CSNK1G1: variants seen among roughly 807,000 people sequenced by gnomAD.
The protein encoded by CSNK1G1 is casein kinase I isoform gamma-1.
CSNK1G1 carries 22 observed loss-of-function variants against 59.6 expected under a neutral mutation model. The observed-to-expected ratio is 0.37, with a 90% CI of 0.26 to 0.53. CSNK1G1 has a LOEUF of 0.53. Ranked by LOEUF, CSNK1G1 falls within the 20% of genes least tolerant of loss-of-function variation. The pLI is 0.89. For missense variants in CSNK1G1, 384 were observed against 519.5 expected, an observed-to-expected ratio of 0.74 and a Z score of 2.54; for synonymous variants, 179 against 177.1, an observed-to-expected ratio of 1.01 and a Z score of -0.08.
intron 4 of CSNK1G1, among the ~76,000 whole-genome samples, chr15:64,228,067 T>C (rs983884226): frequency 1.3e-5 from 2 of 152,188 alleles, no homozygotes; most frequent in African/African-American, 2.4e-5. Flanking sequence ...CTACTCACCC[T>C]TTTGGCTTCC....
At chr15:64,326,425 C>T (rs2222024) in intron 1 of CSNK1G1, among the ~76,000 whole-genome samples, 149,566 of 152,196 alleles carry the variant, frequency 0.98, 73,536 homozygotes, top group East Asian at 1. Context: ...GCGCAGATCA[C>T]CCGAGGTCAG....
At chr15:64,206,393 T>C (rs1196904857) in intron 7 of CSNK1G1, among the ~76,000 whole-genome samples, 1 of 151,692 alleles carries the variant, frequency 6.6e-6, no homozygotes, top group Non-Finnish European at 1.5e-5. Flanking sequence ...TGAGCCGAGA[T>C]TGCACCACTG....
chr15:64,222,712 C>T (rs1448010225), intron 4 of CSNK1G1, among the ~76,000 whole-genome samples: 1 of 150,364 alleles, frequency 6.7e-6, no homozygotes, highest in Non-Finnish European at 1.5e-5. Context: ...GCAGTGACTT[C>T]ACCTCCTACC....
rs2081607392 is a variant in CSNK1G1 at position 64,166,747 on chromosome 15, A to G, written c.*5184T>C. The G allele has an allele frequency of 6.6e-6, 1 of 152,602 alleles. No homozygotes were observed. The highest frequency in any genetic ancestry group is 2.4e-5 in the African/African-American group (1 of 41,426). The allele number at this position is 152,602 out of a possible 1,614,324, so 9.5% of individuals were successfully genotyped here. A position where few individuals can be genotyped will look rare whatever the true frequency, so the allele number is the denominator to read the frequency against. On this transcript the variant is annotated 3_prime_UTR_variant, in exon 12 of 12. Transcript: ENST00000303052. This position sits in a 1 kb window ranked among gnomAD's most constrained non-coding sequence, Gnocchi z 4.5. ...AACTGAAAATGTCTCACCTGTACTG[A>G]AAGAGGGGTGGGTGGGGACATTCAG... is the stretch of plus-strand genomic sequence containing the variant.
intron 9 of CSNK1G1, among the ~76,000 whole-genome samples, chr15:64,204,098 G>T (rs2082145672): frequency 6.6e-6 from 1 of 150,594 alleles, no homozygotes; most frequent in Non-Finnish European, 1.5e-5. Flanking sequence ...AGCCGAGATT[G>T]GCGCCATTGC....
At chr15:64,262,517 G>A (rs1405952943) in intron 2 of CSNK1G1, among the ~76,000 whole-genome samples, 2 of 152,202 alleles carry the variant, frequency 1.3e-5, no homozygotes, top group Non-Finnish European at 2.9e-5. Context: ...GGAGCACATA[G>A]TGTGTGGGAA....
chr15:64,245,427 A>G (rs1891700017), intron 4 of CSNK1G1, among the ~76,000 whole-genome samples: 1 of 152,230 alleles, frequency 6.6e-6, no homozygotes, highest in Non-Finnish European at 1.5e-5. Flanking sequence ...AGTAAAAATA[A>G]TAATCTGATT....
chr15:64,172,875 C>T (rs1432627419), intron 11 of CSNK1G1, among the ~76,000 whole-genome samples: 1 of 152,214 alleles, frequency 6.6e-6, no homozygotes, highest in East Asian at 1.9e-4. Flanking sequence ...CATCCTCACT[C>T]CTGTCTTTAG....
chr15:64,279,351 T>C (rs1184073889), intron 2 of CSNK1G1, among the ~76,000 whole-genome samples: 1 of 152,238 alleles, frequency 6.6e-6, no homozygotes, highest in Non-Finnish European at 1.5e-5. Context: ...CATTTGCTTA[T>C]TTTTGACATC....
At chr15:64,267,030 T>C (rs950860641) in intron 2 of CSNK1G1, among the ~76,000 whole-genome samples, 1 of 148,606 alleles carries the variant, frequency 6.7e-6, no homozygotes, top group African/African-American at 2.5e-5. Context: ...CCGAGGTGGG[T>C]GGATCACTTG....
chr15:64,238,518 A>AATATATATATATATATATATAT (rs1212005568), intron 4 of CSNK1G1, among the ~76,000 whole-genome samples: 11 of 49,226 alleles, frequency 2.2e-4, no homozygotes, highest in Middle Eastern at 0.014. Context: ...AAAAAAAAAA[A>AATATATATATATATATATATAT]ATATATATAT....
chr15:64,346,491 CTT>C (rs1365896035), intron 1 of CSNK1G1, among the ~76,000 whole-genome samples: 1 of 150,780 alleles, frequency 6.6e-6, no homozygotes, highest in African/African-American at 2.4e-5. Context: ...TAGGTTTGCT[CTT>C]GTTGCCCAGA....
Position 64,216,528 on chromosome 15 carries a change from C to A in CSNK1G1, c.444+34G>T. The stretch of plus-strand genomic sequence containing the variant: ...CACAAGGATGTGGCTGAGGAACCAG[C>A]TTATTCTCTTCTAGAAGAGCAATTC... On this transcript the variant is annotated intron_variant, in intron 5 of 11. Coordinates refer to ENST00000303052, the MANE Select transcript of CSNK1G1 (RefSeq NM_022048.5). This position sits in a 1 kb window ranked among gnomAD's most constrained non-coding sequence, Gnocchi z 4.6. 1.9e-6 allele frequency: 3 copies of A among 1,608,088 alleles called. No homozygotes were observed. The highest frequency in any genetic ancestry group is 2.6e-6 in the Non-Finnish European group (3 of 1,175,398).
At chr15:64,337,254 G>A (rs1897436115) in intron 1 of CSNK1G1, among the ~76,000 whole-genome samples, 1 of 151,950 alleles carries the variant, frequency 6.6e-6, no homozygotes, top group Non-Finnish European at 1.5e-5. Context: ...AAAAACAAAA[G>A]CAAGCAGAAC....
chr15:64,211,711 T>A (rs2082251844), intron 6 of CSNK1G1, among the ~76,000 whole-genome samples: 1 of 152,344 alleles, frequency 6.6e-6, no homozygotes, highest in South Asian at 2.1e-4. Context: ...ATACATGAGA[T>A]AACCGAGGCT....
chr15:64,189,449 T>C (rs750609809), intron 10 of CSNK1G1: 1 of 1,290,032 alleles, frequency 7.8e-7, no homozygotes, highest in South Asian at 1.3e-5. Context: ...GTTGTTAACA[T>C]CATAATGCTC....
At chr15:64,254,984 G>A (rs2140324026) in intron 3 of CSNK1G1, among the ~76,000 whole-genome samples, 1 of 152,294 alleles carries the variant, frequency 6.6e-6, no homozygotes, top group African/African-American at 2.4e-5. Flanking sequence ...TGTAAAGTAA[G>A]AATCCAACTT....
intron 10 of CSNK1G1, among the ~76,000 whole-genome samples, chr15:64,202,293 C>G (rs2082118834): frequency 6.6e-6 from 1 of 152,134 alleles, no homozygotes; most frequent in African/African-American, 2.4e-5. Context: ...CATTCTTAAC[C>G]AGCAAGGAAA....
intron 1 of CSNK1G1, among the ~76,000 whole-genome samples, chr15:64,305,263 G>A (rs1895611537): frequency 6.6e-6 from 1 of 152,022 alleles, no homozygotes. Flanking sequence ...CCCAGAATAA[G>A]TATTTAGCAA....
Sources: gnomAD v4.1 joint callset for allele counts (sites outside exome capture counted in the v4.1 genomes callset) on GRCh38, gnomAD v4.1.1 for gene constraint, Gnocchi (gnomAD v3.1) non-coding constraint, MANE v1.5 for transcripts, NCBI Gene and HGNC (gene_info 2026-07-23, HGNC 2026-07-21) for gene names.